The following GLRA2 variants were observed in gnomAD, a reference collection of about 807,000 sequenced individuals.
The protein encoded by GLRA2 is glycine receptor subunit alpha-2.
Under a neutral mutation model 31.6 loss-of-function variants are expected in GLRA2, and 11 were observed. The ratio of observed to expected loss-of-function variants is 0.35; its 90% CI spans 0.22 to 0.58. GLRA2 has a LOEUF of 0.58. GLRA2 is among the 20% of genes least tolerant of loss of function. GLRA2 has a pLI of 0.84. For synonymous variants in GLRA2, 132 were observed against 134.0 expected, an observed-to-expected ratio of 0.99 and a Z score of 0.10; for missense variants, 212 against 351.8, an observed-to-expected ratio of 0.60 and a Z score of 3.18.
At chrX:14,543,443 CA>C (rs1443895169) in intron 2 of GLRA2, among the ~76,000 whole-genome samples, 1 of 110,881 alleles carries the variant, frequency 9.0e-6, no homozygotes. Context: ...TTCTGTCCAG[CA>C]TTTTTAACAG....
the GLRA2 span, among the ~76,000 whole-genome samples, chrX:14,464,404 T>A: frequency 9.0e-6 from 1 of 111,400 alleles, no homozygotes; most frequent in South Asian, 3.8e-4. Flanking sequence ...CATATGGATA[T>A]CCAGTTTTCC....
chrX:14,535,545 A>G (rs1411601970), intron 2 of GLRA2, among the ~76,000 whole-genome samples: 1 of 112,509 alleles, frequency 8.9e-6, no homozygotes, highest in African/African-American at 3.2e-5. Flanking sequence ...CAAAGTCATG[A>G]GTCAGAGTTG....
intron 7 of GLRA2, among the ~76,000 whole-genome samples, chrX:14,633,263 A>T (rs1166708766): frequency 1.8e-5 from 2 of 111,896 alleles, no homozygotes; most frequent in Non-Finnish European, 1.9e-5. Context: ...TGGGAGGCTG[A>T]GTTGGGAGGA....
chrX:14,552,999 A>ATTGAG lies in GLRA2; in HGVS notation c.202+20627_202+20628insTTGAG, dbSNP rs2089586830. 1.8e-5 allele frequency among the ~76,000 whole-genome samples: 2 copies of ATTGAG among 112,011 alleles called. 1 individual carries two copies. Among genetic ancestry groups the ATTGAG allele is most frequent in the South Asian group, 7.4e-4 (2 of 2,686 alleles). On this transcript the variant is annotated intron_variant, in intron 2 of 8. Coordinates refer to ENST00000218075, the MANE Select transcript of GLRA2 (RefSeq NM_002063.4). The stretch of plus-strand genomic sequence containing the variant: ...GAGCACACAGGCAATGATGGTGTCT[A>ATTGAG]GTGGGAGAATGACCTCCTCAATTTC...
intron 8 of GLRA2, among the ~76,000 whole-genome samples, chrX:14,708,890 C>A (rs996121711): frequency 1.8e-5 from 2 of 110,188 alleles, no homozygotes; most frequent in Middle Eastern, 4.6e-3. Flanking sequence ...GAGCCGAGAT[C>A]GCGCCATTGC....
chrX:14,607,373 A>G (rs975933581), intron 6 of GLRA2, 105 bp downstream of exon 6: 2 of 668,939 alleles, frequency 3.0e-6, no homozygotes, highest in Non-Finnish European at 4.5e-6. Context: ...TTTACCAGGC[A>G]AATAGACCTA....
chrX:14,456,350 C>A, the GLRA2 span, among the ~76,000 whole-genome samples: 5 of 111,595 alleles, frequency 4.5e-5, no homozygotes, highest in Admixed American at 2.9e-4. Flanking sequence ...TTTATCAATT[C>A]TTTGTGTTAG....
At chrX:14,657,867 C>T (rs938775683) in intron 7 of GLRA2, among the ~76,000 whole-genome samples, 7 of 111,843 alleles carry the variant, frequency 6.3e-5, no homozygotes, top group Non-Finnish European at 1.1e-4. Context: ...TGGCAATGCA[C>T]ATTAAACATT....
chrX:14,523,903 T>C, the GLRA2 span, among the ~76,000 whole-genome samples: 2 of 111,946 alleles, frequency 1.8e-5, no homozygotes, highest in South Asian at 7.4e-4. Flanking sequence ...TTCAACAATG[T>C]TCATAACATC....
chrX:14,469,603 C>T, the GLRA2 span, among the ~76,000 whole-genome samples: 1 of 102,521 alleles, frequency 9.8e-6, no homozygotes, highest in Non-Finnish European at 2.0e-5. Context: ...GAACAAAAAA[C>T]CAAACACTGC....
rs1489378158 is a variant in GLRA2 at position 14,629,724 on chromosome X, GC to G, written c.930+20521del. ...TTTTTAATGCATGTAGCCTTTGTTA[GC>G]CTATTGTCCATAACTCTTTTTGTGT... On this transcript the variant is annotated intron_variant, in intron 7 of 8. Transcript: ENST00000218075. 3.6e-5 allele frequency among the ~76,000 whole-genome samples: 4 copies of G among 110,847 alleles called. No individual in the cohort carries two copies. In the East Asian group the frequency reaches 1.1e-3, roughly 31 times the overall value.
the GLRA2 span, among the ~76,000 whole-genome samples, chrX:14,469,891 C>CT: frequency 9.1e-6 from 1 of 110,059 alleles, no homozygotes; most frequent in Non-Finnish European, 1.9e-5. Context: ...TAGTTTGTTG[C>CT]TTTTTTAACT....
chrX:14,636,859 TG>T (rs1217489758), intron 7 of GLRA2, among the ~76,000 whole-genome samples: 4 of 112,082 alleles, frequency 3.6e-5, no homozygotes, highest in Admixed American at 1.9e-4. Context: ...TGAAAGCAAC[TG>T]AAATGTCTCA....
chrX:14,592,523 C>A (rs1601745020), intron 4 of GLRA2, among the ~76,000 whole-genome samples: 1 of 110,199 alleles, frequency 9.1e-6, no homozygotes, highest in Admixed American at 9.7e-5. Context: ...TACAAAAAAA[C>A]TAGCTGGGCT....
chrX:14,707,967 C>CT (rs776683555), intron 8 of GLRA2, among the ~76,000 whole-genome samples: 1 of 110,455 alleles, frequency 9.1e-6, no homozygotes, highest in Non-Finnish European at 1.9e-5. Context: ...TTACCAGTTT[C>CT]TTTTTTTTCC....
the GLRA2 span, among the ~76,000 whole-genome samples, chrX:14,505,026 T>TGACAGTG: frequency 8.9e-6 from 1 of 111,885 alleles, no homozygotes; most frequent in Non-Finnish European, 1.9e-5. Flanking sequence ...AATGACACCC[T>TGACAGTG]GACAGTGACA....
At chrX:14,457,551 A>G in the GLRA2 span, among the ~76,000 whole-genome samples, 5 of 112,108 alleles carry the variant, frequency 4.5e-5, no homozygotes, top group Admixed American at 3.8e-4. Flanking sequence ...ATGGCTGCAT[A>G]GTATTCCATG....
intron 2 of GLRA2, among the ~76,000 whole-genome samples, chrX:14,539,777 T>G (rs1383145870): frequency 8.9e-6 from 1 of 112,159 alleles, no homozygotes; most frequent in Non-Finnish European, 1.9e-5. Context: ...CATCTTCACC[T>G]ATCTGTGAAG....
At position 14,690,862 on chromosome X, in the gene GLRA2, A is replaced by G. The variant is rs1272957513; in HGVS notation, c.1080+3A>G. The G allele has an allele frequency of 8.3e-6, 10 of 1,206,912 alleles. No individual in the cohort carries two copies. The highest frequency in any genetic ancestry group is 3.0e-5 in the East Asian group (1 of 33,739). On this transcript the variant is annotated splice_donor_region_variant and intron_variant, in intron 8 of 8. Coordinates refer to ENST00000218075, the MANE Select transcript of GLRA2 (RefSeq NM_002063.4). ...GAAGACAGAAGAGGCAGAATAAGGT[A>G]TGATTGCCCCTCAGTTCAGACAATG...
Sources: gnomAD v4.1 joint callset for allele counts (sites outside exome capture counted in the v4.1 genomes callset) on GRCh38, gnomAD v4.1.1 for gene constraint, MANE v1.5 for transcripts, NCBI Gene and HGNC (gene_info 2026-07-23, HGNC 2026-07-21) for gene names.